SLC4A3: variants seen among roughly 807,000 people sequenced by gnomAD.
SLC4A3 encodes anion exchange protein 3.
Under a neutral mutation model 114.2 loss-of-function variants are expected in SLC4A3, and 47 were observed. The ratio of observed to expected loss-of-function variants is 0.41; its 90% confidence interval spans 0.33 to 0.52. SLC4A3 has a LOEUF of 0.52. Among genes scored for constraint, SLC4A3 ranks in the 20% least tolerant of loss-of-function variants. The pLI, the probability that SLC4A3 is intolerant of heterozygous loss-of-function variation, is 0.21. For synonymous variants in SLC4A3, 693 were observed against 710.3 expected, an observed-to-expected ratio of 0.98 and a Z score of 0.39; for missense variants, 1,312 against 1,668.3, an observed-to-expected ratio of 0.79 and a Z score of 3.72.
rs1032730282 is a variant in SLC4A3, at chr2:219,630,729, C to A, written c.811+377C>A. Among the ~76,000 whole-genome samples the A allele has an allele frequency of 6.6e-6, 1 of 152,208 alleles. No homozygotes were observed. The highest frequency in any genetic ancestry group is 1.5e-5 in the Non-Finnish European group (1 of 68,036). On this transcript the variant is annotated intron_variant, in intron 6 of 22. Coordinates refer to ENST00000358055, the MANE Select transcript of SLC4A3 (RefSeq NM_005070.4). This position sits in a 1 kb window ranked among gnomAD's most constrained non-coding sequence, Gnocchi z 6.9. ...CCTGAGTCTGAGCCATTGCTCCGGA[C>A]CCCTGCCTCTCCCTGTGTCAGGACC...
rs1042279224 is a variant in SLC4A3 at position 219,631,362 on chromosome 2, G to A, written c.812-606G>A. 1 of 1,304,324 alleles carries A rather than the reference G, an allele frequency of 7.7e-7. No individual in the cohort carries two copies. The highest frequency in any genetic ancestry group is 1.0e-6 in the Non-Finnish European group (1 of 988,962). 80.8% of individuals were successfully genotyped at this position (1,304,324 alleles called of 1,614,324 possible). A position where few individuals can be genotyped will look rare whatever the true frequency, so the allele number is the denominator to read the frequency against. Reference sequence around the variant, plus strand: ...CAGTCCTCGAGACTCACTGGCCCCGGAAGACTTAGAGATGTTTGTGCTGGA... The same window carrying A: ...CAGTCCTCGAGACTCACTGGCCCCGAAAGACTTAGAGATGTTTGTGCTGGA... On this transcript the variant is annotated intron_variant, in intron 6 of 22. Transcript: ENST00000358055. The surrounding 1 kb of genome is among the most constrained non-coding windows in gnomAD (Gnocchi z 6.3).
In SLC4A3 at chr2:219,628,171, AC is replaced by A; in HGVS notation, c.51+129del. The A allele has an allele frequency of 1.2e-6, 1 of 845,654 alleles. No homozygotes were observed. The highest frequency in any genetic ancestry group is 1.8e-6 in the Non-Finnish European group (1 of 562,274). The allele number at this position is 845,654 out of a possible 1,614,324, so 52.4% of individuals were successfully genotyped here. On this transcript the variant is annotated intron_variant, in intron 2 of 22. Transcript: ENST00000358055. The surrounding 1 kb of genome is among the most constrained non-coding windows in gnomAD (Gnocchi z 4.8). The stretch of plus-strand genomic sequence containing the variant: ...CCAGGGATGAGCTGGGCTGGGGGTT[AC>A]GGAGAAAGAGGGGGGTTTTTGATAT...
chr2:219,640,310 G>C, intron 20 of SLC4A3, 120 bp from the exon 21 acceptor site: 4 of 1,103,984 alleles, frequency 3.6e-6, no homozygotes, highest in Non-Finnish European at 3.8e-6. Flanking sequence ...CTCCCCCCAG[G>C]CCTCTCCATC....
chr2:219,640,085 C>T lies in SLC4A3; in HGVS notation c.3278-345C>T, dbSNP rs556110702. 1.1e-3 allele frequency among the ~76,000 whole-genome samples: 168 copies of T among 152,306 alleles called. 1 individual carries two copies. The highest frequency in any genetic ancestry group is 9.7e-3 in the South Asian group (47 of 4,822). On this transcript the variant is annotated intron_variant, in intron 20 of 22. Coordinates refer to ENST00000358055, the MANE Select transcript of SLC4A3 (RefSeq NM_005070.4). ...CTGGGACTACAGGCGCCCGCCACCA[C>T]GCCCAGCTAATTTTTTGTATTTTTA...
chr2:219,628,712 C>A lies in SLC4A3; in HGVS notation c.217+142C>A, dbSNP rs1460578358. 9 of 882,688 alleles carry A rather than the reference C, an allele frequency of 1.0e-5. No homozygotes were observed. The highest frequency in any genetic ancestry group is 6.9e-6 in the Non-Finnish European group (4 of 583,780). The allele number at this position is 882,688 out of a possible 1,614,324, so 54.7% of individuals were successfully genotyped here. On this transcript the variant is annotated intron_variant, in intron 3 of 22. Coordinates refer to ENST00000358055, the MANE Select transcript of SLC4A3 (RefSeq NM_005070.4). The surrounding 1 kb of genome is among the most constrained non-coding windows in gnomAD (Gnocchi z 4.8). ...GCTGGACTCTGTGCTGGGCCACATG[C>A]CGTGTTCAGTCATCCTGCCTCCCCC... is the stretch of plus-strand genomic sequence containing the variant.
chr2:219,639,923 C>T lies in SLC4A3; in HGVS notation c.3277+188C>T, dbSNP rs890016555. On this transcript the variant is annotated intron_variant, in intron 20 of 22. Transcript: ENST00000358055. The surrounding 1 kb of genome is among the most constrained non-coding windows in gnomAD (Gnocchi z 5.9). ...AGTCCTTTTCTGGCTCTCTGTCCTG[C>T]CCCCTCTTCTCTCTCTTTTTTTTTG... is the stretch of plus-strand genomic sequence containing the variant. Among the ~76,000 whole-genome samples, 1 of 152,072 alleles carries T rather than the reference C, an allele frequency of 6.6e-6. No individual in the cohort carries two copies. Among genetic ancestry groups the T allele is most frequent in the Admixed American group, 6.5e-5 (1 of 15,272 alleles).
At position 219,636,715 on chromosome 2, in the gene SLC4A3, C is replaced by A; in HGVS notation, c.2376C>A (p.Gly792=). 6.2e-7 allele frequency: 1 copy of A among 1,614,032 alleles called. No homozygotes were observed. The highest frequency in any genetic ancestry group is 8.5e-7 in the Non-Finnish European group (1 of 1,179,942). ...CRAQDLEYLT[G]RVWVGLWLVV... is the part of the protein sequence containing the mutation. ...CCCAGGACCTGGAGTACCTCACTGG[C>A]CGGGTGTGGGTTGGTCTCTGGCTGG... The change falls in exon 16 of 23, where the codon GGC becomes GGA. Residue 792 remains glycine, a synonymous_variant. Transcript: ENST00000358055. This position sits in a 1 kb window ranked among gnomAD's most constrained non-coding sequence, Gnocchi z 5.5.
At chr2:219,632,149 C>T (rs1338548687) in intron 7 of SLC4A3, 33 bp downstream of exon 7, 3 of 1,608,514 alleles carry the variant, frequency 1.9e-6, no homozygotes, top group Admixed American at 1.7e-5. Flanking sequence ...CCTGTGGCTT[C>T]CTCATGCCCC....
chr2:219,641,870 G>A lies in SLC4A3; in HGVS notation c.*142G>A. 1.5e-6 allele frequency: 1 copy of A among 661,066 alleles called. No homozygotes were observed. The highest frequency in any genetic ancestry group is 2.6e-6 in the Non-Finnish European group (1 of 378,030). The allele number at this position is 661,066 out of a possible 1,614,324, so 41.0% of individuals were successfully genotyped here. A position where few individuals can be genotyped will look rare whatever the true frequency, so the allele number is the denominator to read the frequency against. ...CCACTCCTGATGCCATGGCTAGAGT[G>A]GCCCCCCTGACTTCTGCCCGGGGTG... On this transcript the variant is annotated 3_prime_UTR_variant, in exon 23 of 23. Coordinates refer to ENST00000358055, the MANE Select transcript of SLC4A3 (RefSeq NM_005070.4). The surrounding 1 kb of genome is among the most constrained non-coding windows in gnomAD (Gnocchi z 4.0).
At chr2:219,633,484 CA>C (rs774617038) in intron 10 of SLC4A3, 27 bp downstream of exon 10, 4 of 1,498,856 alleles carry the variant, frequency 2.7e-6, no homozygotes, top group Non-Finnish European at 3.6e-6. Flanking sequence ...TGGCTTGGGC[CA>C]GGGGACTGAG....
Position 219,628,294 on chromosome 2 carries a change from GC to G in SLC4A3, c.52-108del, listed in dbSNP as rs998063821. 3.0e-5 allele frequency: 35 copies of G among 1,176,804 alleles called. No individual in the cohort carries two copies. The highest frequency in any genetic ancestry group is 3.6e-5 in the Non-Finnish European group (31 of 850,136). 72.9% of individuals were successfully genotyped at this position (1,176,804 alleles called of 1,614,324 possible). ...ACAGGCCTGGGAGCAAGGGGAGGGG[GC>G]CCGATGGTGTGAGAGCCTGCTGAGC... On this transcript the variant is annotated intron_variant, in intron 2 of 22. Transcript: ENST00000358055. The surrounding 1 kb of genome is among the most constrained non-coding windows in gnomAD (Gnocchi z 4.8).
In SLC4A3 at chr2:219,630,406, TG is replaced by T; in HGVS notation, c.811+55del. 1 of 1,532,424 alleles carries T rather than the reference TG, an allele frequency of 6.5e-7. No individual in the cohort carries two copies. The highest frequency in any genetic ancestry group is 2.3e-5 in the East Asian group (1 of 44,068). The allele number at this position is 1,532,424 out of a possible 1,614,324, so 94.9% of individuals were successfully genotyped here. The stretch of plus-strand genomic sequence containing the variant: ...GGTCCACTGCGACGGACTCCCAGCC[TG>T]CGAGTGACCTTGGAGAGGCTCTGAG... On this transcript the variant is annotated intron_variant, in intron 6 of 22. Transcript: ENST00000358055. The surrounding 1 kb of genome is among the most constrained non-coding windows in gnomAD (Gnocchi z 6.9).
In SLC4A3 at chr2:219,641,519, G is replaced by A. The variant is rs936801740; in HGVS notation, c.3622-132G>A. The stretch of plus-strand genomic sequence containing the variant: ...GGCCAAGGGCAGTGCTGCCACCCAG[G>A]GTCATGGTACTTGCAGAGAGGCCCA... On this transcript the variant is annotated intron_variant, in intron 22 of 22. Coordinates refer to ENST00000358055, the MANE Select transcript of SLC4A3 (RefSeq NM_005070.4). This position sits in a 1 kb window ranked among gnomAD's most constrained non-coding sequence, Gnocchi z 4.0. 3.6e-5 allele frequency: 26 copies of A among 716,686 alleles called. No individual in the cohort carries two copies. The highest frequency in any genetic ancestry group is 1.0e-4 in the South Asian group (6 of 58,968). 44.4% of individuals were successfully genotyped at this position (716,686 alleles called of 1,614,324 possible).
chr2:219,629,244 C>CAGG lies in SLC4A3; in HGVS notation c.321_323dup (p.Arg108dup). ...TGCCCCCCACCTCTGCCCGGCACAC[C>CAGG]AGGAGAAAGAGGAAGAAGGAGAAAA... On this transcript the variant is annotated inframe_insertion, in exon 4 of 23. Transcript: ENST00000358055. The CAGG allele has an allele frequency of 6.2e-7, 1 of 1,613,784 alleles. No individual in the cohort carries two copies. The highest frequency in any genetic ancestry group is 8.5e-7 in the Non-Finnish European group (1 of 1,179,950).
intron 11 of SLC4A3, 58 bp downstream of exon 11, chr2:219,634,037 G>A (rs1699034228): frequency 1.4e-6 from 2 of 1,475,216 alleles, no homozygotes; most frequent in Non-Finnish European, 9.0e-7. Context: ...CTCTCCTGGG[G>A]GCCTGCTTGT....
chr2:219,634,023 G>A (rs1212497739), intron 11 of SLC4A3, 44 bp downstream of exon 11: 4 of 1,497,088 alleles, frequency 2.7e-6, no homozygotes, highest in African/African-American at 2.8e-5. Flanking sequence ...CAGTGTGTGT[G>A]TGCCTCTCCT....
rs1269404166 is a variant in SLC4A3, at chr2:219,628,085, G to A, written c.51+42G>A. Reference sequence around the variant, plus strand: ...GGGGCGGGGGAGAGATGGGGGAGGAGAGGGGAGGGACCTTAGGGTGGGCAG... The same window carrying A: ...GGGGCGGGGGAGAGATGGGGGAGGAAAGGGGAGGGACCTTAGGGTGGGCAG... On this transcript the variant is annotated intron_variant, in intron 2 of 22. Coordinates refer to ENST00000358055, the MANE Select transcript of SLC4A3 (RefSeq NM_005070.4). This position sits in a 1 kb window ranked among gnomAD's most constrained non-coding sequence, Gnocchi z 4.8. The A allele has an allele frequency of 2.0e-6, 3 of 1,475,390 alleles. No homozygotes were observed. Among genetic ancestry groups the A allele is most frequent in the East Asian group, 5.2e-5 (2 of 38,700 alleles). 91.4% of individuals were successfully genotyped at this position (1,475,390 alleles called of 1,614,324 possible).
In SLC4A3 at chr2:219,627,953, C is replaced by G; in HGVS notation, c.-40C>G. 1 of 1,586,738 alleles carries G rather than the reference C, an allele frequency of 6.3e-7. No individual in the cohort carries two copies. Among genetic ancestry groups the G allele is most frequent in the Non-Finnish European group, 8.6e-7 (1 of 1,163,116 alleles). On this transcript the variant is annotated 5_prime_UTR_variant, in exon 2 of 23. Transcript: ENST00000358055. ...CCTCCTTCTCACCTGGGTCTCGGGT[C>G]CCCTAGTGAGCGAGAGCGTCCCCAG...
rs750473047 is a variant in SLC4A3, at chr2:219,632,258, C to T, written c.961-4C>T. 2 of 1,613,964 alleles carry T rather than the reference C, an allele frequency of 1.2e-6. No individual in the cohort carries two copies. Among genetic ancestry groups the T allele is most frequent in the Non-Finnish European group, 1.7e-6 (2 of 1,179,990 alleles). On this transcript the variant is annotated splice_polypyrimidine_tract_variant and splice_region_variant and intron_variant, in intron 7 of 22. Transcript: ENST00000358055. ...TGGGCCCTCACCTTTGGCACGCCCC[C>T]CAGGTGTTCGTGGAGCTGAACGAGC...
Sources: gnomAD v4.1 joint callset for allele counts (sites outside exome capture counted in the v4.1 genomes callset) on GRCh38, gnomAD v4.1.1 for gene constraint, Gnocchi (gnomAD v3.1) non-coding constraint, MANE v1.5 for transcripts, NCBI Gene and HGNC (gene_info 2026-07-23, HGNC 2026-07-21) for gene names.